The following KHDRBS3 variants were observed in gnomAD, a reference collection of about 807,000 sequenced individuals.
KHDRBS3 encodes KH domain-containing, RNA-binding, signal transduction-associated protein 3.
KHDRBS3 carries 23 observed loss-of-function variants against 45.6 expected under a neutral mutation model. The ratio of observed to expected loss-of-function variants is 0.50; its 90% CI spans 0.36 to 0.72. KHDRBS3 has a LOEUF of 0.72. Ranked by LOEUF, KHDRBS3 falls within the 30% of genes least tolerant of loss-of-function variation. The pLI, the probability that KHDRBS3 is intolerant of heterozygous loss-of-function variation, is 0.00. For missense variants in KHDRBS3, 352 were observed against 424.8 expected (o/e 0.83, Z 1.51); for synonymous variants, 162 against 156.5 (o/e 1.04, Z -0.26).
chr8:135,518,507 GA>G (rs1484813803), intron 1 of KHDRBS3, among the ~76,000 whole-genome samples: 8 of 152,100 alleles, frequency 5.3e-5, no homozygotes, highest in African/African-American at 1.9e-4. Context: ...GGAGGCAGTT[GA>G]ATCTATTTTG....
chr8:135,595,068 T>A (rs1234005077), intron 6 of KHDRBS3, among the ~76,000 whole-genome samples: 1 of 152,184 alleles, frequency 6.6e-6, no homozygotes. Context: ...TTGATGAATC[T>A]CACAAACATA....
At chr8:135,585,319 C>T (rs1028623832) in intron 6 of KHDRBS3, among the ~76,000 whole-genome samples, 3 of 151,434 alleles carry the variant, frequency 2.0e-5, no homozygotes, top group Non-Finnish European at 4.4e-5. Context: ...CTTAGAAAAC[C>T]AAGGAGCTTG....
At chr8:135,485,017 G>T (rs549176019) in intron 1 of KHDRBS3, among the ~76,000 whole-genome samples, 1 of 152,290 alleles carries the variant, frequency 6.6e-6, no homozygotes, top group South Asian at 2.1e-4. Context: ...ACCAGGATGT[G>T]TACAGTGGCA....
intron 3 of KHDRBS3, among the ~76,000 whole-genome samples, chr8:135,546,539 T>C (rs1385779132): frequency 6.6e-6 from 1 of 152,220 alleles, no homozygotes; most frequent in African/African-American, 2.4e-5. Flanking sequence ...GCATCATTTA[T>C]ACTATACAAT....
intron 6 of KHDRBS3, among the ~76,000 whole-genome samples, chr8:135,584,042 G>C (rs1828340085): frequency 6.6e-6 from 1 of 152,128 alleles, no homozygotes; most frequent in African/African-American, 2.4e-5. Context: ...AAAGATAATG[G>C]GATAATGGCC....
intron 1 of KHDRBS3, among the ~76,000 whole-genome samples, chr8:135,469,413 G>A (rs1196420221): frequency 6.7e-6 from 1 of 149,648 alleles, no homozygotes; most frequent in African/African-American, 2.5e-5. Flanking sequence ...TCAGCCTCCC[G>A]AGTAGCTGGG....
chr8:135,480,656 G>A (rs73712039), intron 1 of KHDRBS3, among the ~76,000 whole-genome samples: 2 of 151,298 alleles, frequency 1.3e-5, no homozygotes, highest in Non-Finnish European at 3.0e-5. Flanking sequence ...AGGTAGAAAG[G>A]AAAAAAAAGA....
At chr8:135,500,888 A>T (rs1175972000) in intron 1 of KHDRBS3, among the ~76,000 whole-genome samples, 2 of 152,204 alleles carry the variant, frequency 1.3e-5, no homozygotes, top group African/African-American at 4.8e-5. Context: ...GTGGAACCTT[A>T]TATTAAGTAT....
At chr8:135,526,781 A>G (rs1704230646) in intron 2 of KHDRBS3, among the ~76,000 whole-genome samples, 1 of 152,192 alleles carries the variant, frequency 6.6e-6, no homozygotes, top group African/African-American at 2.4e-5. Flanking sequence ...ATGGCACAGC[A>G]TTGGACACAG....
chr8:135,621,505 T>A (rs1198454139), intron 7 of KHDRBS3, among the ~76,000 whole-genome samples: 1 of 152,244 alleles, frequency 6.6e-6, no homozygotes, highest in Non-Finnish European at 1.5e-5. Context: ...AGAATATAAG[T>A]GCCTAACATA....
intron 1 of KHDRBS3, among the ~76,000 whole-genome samples, chr8:135,483,930 C>T (rs1822714978): frequency 2.0e-5 from 3 of 152,086 alleles, no homozygotes; most frequent in Non-Finnish European, 4.4e-5. Context: ...TTTGAATGTT[C>T]ACTATTTTTG....
chr8:135,625,495 G>A, intron 7 of KHDRBS3: 1 of 788,516 alleles, frequency 1.3e-6, no homozygotes, highest in East Asian at 2.4e-5. Context: ...GTGTTGAGAT[G>A]GGCCTCAGGG....
At chr8:135,636,166 T>G (rs2131160662) in intron 7 of KHDRBS3, among the ~76,000 whole-genome samples, 1 of 152,312 alleles carries the variant, frequency 6.6e-6, no homozygotes, top group East Asian at 1.9e-4. Context: ...AAAAGGCAGC[T>G]AGTTGGCCTC....
At chr8:135,526,297 A>T (rs1825182044) in intron 2 of KHDRBS3, among the ~76,000 whole-genome samples, 1 of 152,010 alleles carries the variant, frequency 6.6e-6, no homozygotes, top group African/African-American at 2.4e-5. Context: ...GAGGTAAGGG[A>T]AGAAAAATTA....
In KHDRBS3 at chr8:135,609,985, C is replaced by T. The variant is rs569801078; in HGVS notation, c.890+2948C>T. Among the ~76,000 whole-genome samples the T allele has an allele frequency of 1.2e-4, 19 of 152,028 alleles. No individual in the cohort carries two copies. In the South Asian group the frequency reaches 2.9e-3, roughly 23 times the overall value. ...TCACAGGCATCAACCCCGTCCTATA[C>T]AATAAATAGAGTTTCCTCCAGTTAA... On this transcript the variant is annotated intron_variant, in intron 7 of 8. Transcript: ENST00000355849.
In KHDRBS3 at chr8:135,582,628, C is replaced by T. The variant is rs559846321; in HGVS notation, c.807+555C>T. Among the ~76,000 whole-genome samples the T allele has an allele frequency of 2.6e-5, 4 of 152,198 alleles. No homozygotes were observed. In the East Asian group the frequency reaches 5.8e-4, roughly 22 times the overall value. ...ACTTAACGTAAGAGAGAATAATAAC[C>T]GTGAAAGTTGAGGGGGAAGGGAATT... On this transcript the variant is annotated intron_variant, in intron 6 of 8. Coordinates refer to ENST00000355849, the MANE Select transcript of KHDRBS3 (RefSeq NM_006558.3).
intron 7 of KHDRBS3, among the ~76,000 whole-genome samples, chr8:135,629,226 C>T (rs1226302590): frequency 1.3e-5 from 2 of 152,212 alleles, no homozygotes; most frequent in African/African-American, 4.8e-5. Context: ...ATTGTTATAT[C>T]TGAGGTTTTG....
chr8:135,548,260 T>C (rs1311477237), intron 3 of KHDRBS3, among the ~76,000 whole-genome samples: 1 of 152,182 alleles, frequency 6.6e-6, no homozygotes, highest in East Asian at 1.9e-4. Flanking sequence ...TGGTAATCAC[T>C]TTTTACTAAG....
rs1459595323 is a variant in KHDRBS3, at chr8:135,557,468, G to A, written c.492G>A (p.Arg164=). 6.8e-6 allele frequency: 11 copies of A among 1,610,942 alleles called. No individual in the cohort carries two copies. The highest frequency in any genetic ancestry group is 8.5e-6 in the Non-Finnish European group (10 of 1,177,186). ...FLIPDYNDEI[R]QAQLQELTYL... ...TGTAGGATTATAATGATGAGATCAG[G>A]CAAGCACAGCTCCAGGAGTTAACAT... Residue 164 remains arginine, a synonymous_variant, in exon 5 of 9, where the codon AGG becomes AGA. Transcript: ENST00000355849.
Sources: allele counts gnomAD v4.1 joint callset (sites outside exome capture counted in the v4.1 genomes callset), GRCh38; gene constraint gnomAD v4.1.1; transcripts MANE v1.5; gene names NCBI Gene and HGNC (gene_info 2026-07-23, HGNC 2026-07-21).